The following OR2L13 variants were observed in gnomAD, a reference collection of about 807,000 sequenced individuals.
The protein encoded by OR2L13 is olfactory receptor 2L13.
OR2L13 carries 14 observed loss-of-function variants against 15.3 expected under a neutral mutation model. The observed-to-expected ratio is 0.91, with a 90% confidence interval of 0.60 to 1.43. The LOEUF is 1.43. Ranked by LOEUF, OR2L13 falls within the 40% of genes most tolerant of loss-of-function variation. OR2L13 has a pLI of 0.00. For synonymous variants in OR2L13, 152 were observed against 142.9 expected (o/e 1.06, Z -0.45); for missense variants, 367 against 387.9 (o/e 0.95, Z 0.45).
the OR2L13 span, chr1:248,060,611 C>T: frequency 3.2e-6 from 4 of 1,249,578 alleles, no homozygotes; most frequent in South Asian, 4.2e-5. Flanking sequence ...GCATTCCCTG[C>T]AGATAAAGAC....
the OR2L13 span, among the ~76,000 whole-genome samples, chr1:247,953,932 CT>C: frequency 6.6e-6 from 1 of 150,906 alleles, no homozygotes; most frequent in African/African-American, 2.4e-5. Context: ...GCCAGTGTCT[CT>C]TTTTTTTTCT....
At chr1:248,008,058 A>G in the OR2L13 span, among the ~76,000 whole-genome samples, 1 of 152,208 alleles carries the variant, frequency 6.6e-6, no homozygotes, top group Non-Finnish European at 1.5e-5. Context: ...CTTTTTCTGC[A>G]TGCAGCAAGC....
the OR2L13 span, among the ~76,000 whole-genome samples, chr1:248,071,093 A>G: frequency 6.6e-6 from 1 of 152,206 alleles, no homozygotes; most frequent in Non-Finnish European, 1.5e-5. Flanking sequence ...TCCAATCAAT[A>G]GAAAAAGAGG....
chr1:248,075,271 A>G, the OR2L13 span, among the ~76,000 whole-genome samples: 1 of 151,896 alleles, frequency 6.6e-6, no homozygotes, highest in Non-Finnish European at 1.5e-5. Flanking sequence ...GCAGTCTATC[A>G]CTGATGGACA....
the OR2L13 span, chr1:248,003,586 G>T: frequency 4.3e-6 from 7 of 1,612,104 alleles, no homozygotes; most frequent in South Asian, 6.6e-5. Context: ...TCATAGGCTC[G>T]ATCAATGCTT....
the OR2L13 span, among the ~76,000 whole-genome samples, chr1:247,998,425 G>A: frequency 1.3e-5 from 2 of 151,972 alleles, no homozygotes; most frequent in African/African-American, 2.4e-5. Context: ...ATTCCTACTT[G>A]GTTGGTGTTT....
At chr1:248,017,852 T>C in the OR2L13 span, among the ~76,000 whole-genome samples, 1 of 152,142 alleles carries the variant, frequency 6.6e-6, no homozygotes, top group Non-Finnish European at 1.5e-5. Flanking sequence ...CCTTGTAGAA[T>C]GTGTCTGGTG....
At chr1:248,049,309 G>A in the OR2L13 span, among the ~76,000 whole-genome samples, 3 of 152,154 alleles carry the variant, frequency 2.0e-5, no homozygotes, top group African/African-American at 7.2e-5. Flanking sequence ...TAAATTGAAG[G>A]ATAGGAAAGA....
the OR2L13 span, among the ~76,000 whole-genome samples, chr1:247,981,759 A>G: frequency 2.0e-5 from 3 of 152,190 alleles, no homozygotes; most frequent in South Asian, 2.1e-4. Context: ...CTTCTCTTCA[A>G]TGATACCCTC....
the OR2L13 span, among the ~76,000 whole-genome samples, chr1:248,012,151 G>T: frequency 6.6e-6 from 1 of 152,088 alleles, no homozygotes; most frequent in Non-Finnish European, 1.5e-5. Flanking sequence ...TGCTGAGAAA[G>T]TGTGAAATAC....
chr1:248,093,274 G>A (rs1048969111), upstream of OR2L13, among the ~76,000 whole-genome samples: 10 of 152,168 alleles, frequency 6.6e-5, no homozygotes, highest in African/African-American at 1.7e-4. Context: ...ATACTGTGAC[G>A]TGGCAAAAGG....
At chr1:247,937,481 G>C in the OR2L13 span, 3 of 156,312 alleles carry the variant, frequency 1.9e-5, no homozygotes, top group Non-Finnish European at 2.8e-5. Flanking sequence ...CAGCAGCTCA[G>C]GGATGGGGCT....
chr1:248,013,126 G>A, the OR2L13 span, among the ~76,000 whole-genome samples: 1 of 151,380 alleles, frequency 6.6e-6, no homozygotes, highest in African/African-American at 2.4e-5. Context: ...TCCAATATGT[G>A]ATATTTTAAT....
chr1:247,949,747 T>C, the OR2L13 span: 51 of 1,613,206 alleles, frequency 3.2e-5, no homozygotes, highest in Non-Finnish European at 3.9e-5. Context: ...AAGGAGGTGA[T>C]GGGGGCCCTG....
chr1:248,008,903 A>G, the OR2L13 span, among the ~76,000 whole-genome samples: 5 of 152,184 alleles, frequency 3.3e-5, no homozygotes, highest in Non-Finnish European at 7.4e-5. Context: ...CCACACAACT[A>G]CATGGAAACT....
the OR2L13 span, among the ~76,000 whole-genome samples, chr1:248,055,405 T>C: frequency 2.0e-5 from 3 of 152,182 alleles, no homozygotes; most frequent in Admixed American, 2.0e-4. Context: ...AGTTTTCTTT[T>C]TTTTTTGTTA....
At chr1:248,078,254 G>A in the OR2L13 span, among the ~76,000 whole-genome samples, 196 of 152,156 alleles carry the variant, frequency 1.3e-3, 1 homozygote, top group African/African-American at 4.6e-3. Flanking sequence ...AGGCTGAGGC[G>A]GGTGGATCAC....
exon 3 of OR2L13, chr1:248,100,280 G>C: frequency 6.2e-7 from 1 of 1,609,850 alleles, no homozygotes; most frequent in East Asian, 2.2e-5. Flanking sequence ...GCTATGAGGA[G>C]AGTGTTTGGG....
the OR2L13 span, chr1:248,038,951 C>T: frequency 6.2e-7 from 1 of 1,614,138 alleles, no homozygotes; most frequent in Non-Finnish European, 8.5e-7. Context: ...ACCGCATGCA[C>T]TCTGCAGAAG....
Sources: gnomAD v4.1 joint callset for allele counts (sites outside exome capture counted in the v4.1 genomes callset) on GRCh38, gnomAD v4.1.1 for gene constraint, MANE v1.5 for transcripts, NCBI Gene and HGNC (gene_info 2026-07-23, HGNC 2026-07-21) for gene names.